MYOF: variants seen among roughly 807,000 people sequenced by gnomAD.
MYOF encodes the protein fer-1-like 3, myoferlin.
In MYOF, 244 loss-of-function variants were observed where a neutral mutation model predicts 284.2. The observed-to-expected ratio is 0.86, with a 90% CI of 0.77 to 0.95. The LOEUF (loss-of-function observed/expected upper bound fraction) is 0.95, where lower values mean the gene tolerates loss of function less well. Among genes scored for constraint, MYOF ranks in the 40% least tolerant of loss-of-function variants. The probability of loss-of-function intolerance (pLI) is 0.00; values close to 1 mark genes in which losing one functional copy is unlikely to be tolerated. For missense variants in MYOF, 2,496 were observed against 2,560.6 expected (o/e 0.97, Z 0.54); for synonymous variants, 904 against 919.7 (o/e 0.98, Z 0.31).
chr10:93,477,893 C>T lies in MYOF; in HGVS notation c.88+4214G>A, dbSNP rs566778710. 3.9e-5 allele frequency among the ~76,000 whole-genome samples: 6 copies of T among 152,078 alleles called. No homozygotes were observed. The South Asian group carries it at 1.2e-3, about 32-fold the overall frequency. On this transcript the variant is annotated intron_variant, in intron 1 of 53. Coordinates refer to ENST00000359263, the MANE Select transcript of MYOF (RefSeq NM_013451.4). ...AATGAAATATGCATATTCACAAAGA[C>T]ACGCACCACAGGGACACCCACTGCA... is the stretch of plus-strand genomic sequence containing the variant.
rs911187901 is a variant in MYOF at position 93,347,609 on chromosome 10, C to T, written c.4249+8G>A. On this transcript the variant is annotated splice_region_variant and intron_variant, in intron 37 of 53. Coordinates refer to ENST00000359263, the MANE Select transcript of MYOF (RefSeq NM_013451.4). ...GCCCCCAGACTTATGCACAGCCTTG[C>T]ATGTTACCTTTGAGCTGTGGGACGA... 1.9e-6 allele frequency: 3 copies of T among 1,604,638 alleles called. No homozygotes were observed. The highest frequency in any genetic ancestry group is 2.6e-6 in the Non-Finnish European group (3 of 1,175,040).
Position 93,383,041 on chromosome 10 carries a change from G to A in MYOF, c.1699-1645C>T, listed in dbSNP as rs1337118786. On this transcript the variant is annotated intron_variant, in intron 19 of 53. Coordinates refer to ENST00000359263, the MANE Select transcript of MYOF (RefSeq NM_013451.4). ...CTCCCAAGTAGCTGGGATTACAGGC[G>A]TGTGTCACCACACCTGGCTAATTTT... Among the ~76,000 whole-genome samples the A allele has an allele frequency of 5.9e-5, 9 of 151,920 alleles. No homozygotes were observed. In the East Asian group the frequency reaches 9.7e-4, roughly 16 times the overall value.
intron 23 of MYOF, among the ~76,000 whole-genome samples, chr10:93,373,575 C>G (rs1732344604): frequency 6.9e-6 from 1 of 144,508 alleles, no homozygotes; most frequent in South Asian, 2.5e-4. Flanking sequence ...ATGCAAATGT[C>G]CCTATTGGCA....
At chr10:93,406,569 C>CG (rs199534447) in intron 7 of MYOF, among the ~76,000 whole-genome samples, 21 of 93,666 alleles carry the variant, frequency 2.2e-4, no homozygotes, top group South Asian at 4.9e-4. Flanking sequence ...CTCCTCCCCA[C>CG]CCATCCAGTC....
intron 26 of MYOF, among the ~76,000 whole-genome samples, chr10:93,364,318 G>T (rs774890767): frequency 6.6e-5 from 10 of 152,244 alleles, no homozygotes; most frequent in Non-Finnish European, 1.5e-4. Context: ...TAACAAGGTT[G>T]CTCCTTCTCA....
intron 3 of MYOF, among the ~76,000 whole-genome samples, chr10:93,441,645 C>A (rs2056260373): frequency 6.6e-6 from 1 of 150,618 alleles, no homozygotes; most frequent in Non-Finnish European, 1.5e-5. Context: ...CTCACTGCAA[C>A]CTCTGCCTTC....
Position 93,454,891 on chromosome 10 carries a change from A to T in MYOF, c.144+1991T>A, listed in dbSNP as rs564374482. 2.4e-3 allele frequency among the ~76,000 whole-genome samples: 356 copies of T among 149,506 alleles called. 5 individuals carry two copies. The highest frequency in any genetic ancestry group is 2.5e-3 in the Non-Finnish European group (171 of 67,706). ...CTATTCAGGAGGCTAAAGCAGGGCT[A>T]TCGCTTGGCCCTGGGAGATCGAGGC... On this transcript the variant is annotated intron_variant, in intron 2 of 53. Coordinates refer to ENST00000359263, the MANE Select transcript of MYOF (RefSeq NM_013451.4).
At chr10:93,359,495 A>G (rs900726940) in intron 29 of MYOF, among the ~76,000 whole-genome samples, 4 of 152,198 alleles carry the variant, frequency 2.6e-5, no homozygotes, top group Non-Finnish European at 5.9e-5. Context: ...TATTACTACT[A>G]CTAGATTATG....
At position 93,425,765 on chromosome 10, in the gene MYOF, G is replaced by A. The variant is rs73321726; in HGVS notation, c.433+306C>T. On this transcript the variant is annotated intron_variant, in intron 5 of 53. Coordinates refer to ENST00000359263, the MANE Select transcript of MYOF (RefSeq NM_013451.4). ...AAACAGCCTGGAGACACTGTATGGG[G>A]TGGAAGCCACAAACCTGAAGCAAAG... The A allele has an allele frequency of 2.6e-3, 1,046 of 404,140 alleles. 5 individuals carry two copies. Among genetic ancestry groups the A allele is most frequent in the African/African-American group, 0.011 (520 of 49,134 alleles). 25.0% of individuals were successfully genotyped at this position (404,140 alleles called of 1,614,324 possible).
chr10:93,386,707 G>A (rs60385579), intron 19 of MYOF, among the ~76,000 whole-genome samples: 4,425 of 152,300 alleles, frequency 0.029, 223 homozygotes, highest in African/African-American at 0.1. Flanking sequence ...CTCCTGATAC[G>A]GCTGCCTTCT....
At chr10:93,454,653 A>T (rs1175045027) in intron 2 of MYOF, among the ~76,000 whole-genome samples, 1 of 152,102 alleles carries the variant, frequency 6.6e-6, no homozygotes, top group East Asian at 1.9e-4. Flanking sequence ...TTCCCTCTCA[A>T]CCTGCCTGAG....
At chr10:93,356,225 G>A (rs141017620) in intron 30 of MYOF, among the ~76,000 whole-genome samples, 1 of 152,100 alleles carries the variant, frequency 6.6e-6, no homozygotes, top group East Asian at 1.9e-4. Context: ...CTTCTTTACT[G>A]TGCTTCAGTA....
intron 19 of MYOF, among the ~76,000 whole-genome samples, chr10:93,384,326 T>G (rs925981552): frequency 2.0e-5 from 3 of 152,162 alleles, no homozygotes; most frequent in African/African-American, 7.2e-5. Context: ...AAGATCTGCC[T>G]ACAACAAGAG....
chr10:93,423,955 A>C (rs1269053988), intron 5 of MYOF, among the ~76,000 whole-genome samples: 4 of 152,176 alleles, frequency 2.6e-5, no homozygotes, highest in African/African-American at 9.6e-5. Flanking sequence ...ACACAGGTAG[A>C]ACACCATGTG....
intron 3 of MYOF, among the ~76,000 whole-genome samples, chr10:93,445,654 G>T (rs67185100): frequency 0.21 from 32,378 of 152,158 alleles, 4,222 homozygotes; most frequent in East Asian, 0.73. Flanking sequence ...GCCCACAGGC[G>T]CTGTGAGCCT....
At chr10:93,406,631 C>T (rs1847606171) in intron 7 of MYOF, among the ~76,000 whole-genome samples, 1 of 151,686 alleles carries the variant, frequency 6.6e-6, no homozygotes, top group Admixed American at 6.6e-5. Context: ...TTTCCAGTGC[C>T]CCATCTCTGT....
chr10:93,333,733 G>C, intron 42 of MYOF, 25 bp downstream of exon 42: 2 of 1,610,446 alleles, frequency 1.2e-6, no homozygotes, highest in Non-Finnish European at 1.7e-6. Context: ...TGCTACAGGA[G>C]AAGGCCCCAC....
chr10:93,319,964 T>C lies in MYOF; in HGVS notation c.5506A>G (p.Arg1836Gly). Residue 1836 changes from arginine (R) to glycine (G), a missense_variant, in exon 49 of 54, where the codon AGA becomes GGA. Around this residue, in one of 3 missense-constraint regions of MYOF, gnomAD observed 2,436 missense variants for 2,480.7 expected, o/e 0.98. Coordinates refer to ENST00000359263, the MANE Select transcript of MYOF (RefSeq NM_013451.4). ...AAATTCCCTTCACCATCCAAAGATCTGTAATGGACATCTGTTTTCTGTTTG... is the reference window on the plus strand; with the variant it reads ...AAATTCCCTTCACCATCCAAAGATCCGTAATGGACATCTGTTTTCTGTTTG... The part of the protein sequence containing the change: ...ENKQKTDVHY[R>G]SLDGEGNFNW... 1 of 1,614,230 alleles carries C rather than the reference T, an allele frequency of 6.2e-7. No homozygotes were observed. Among genetic ancestry groups the C allele is most frequent in the Non-Finnish European group, 8.5e-7 (1 of 1,180,030 alleles).
Position 93,424,929 on chromosome 10 carries a change from ATTTTTTTTTT to A in MYOF, c.433+1132_433+1141del, listed in dbSNP as rs11376911. On this transcript the variant is annotated intron_variant, in intron 5 of 53. Coordinates refer to ENST00000359263, the MANE Select transcript of MYOF (RefSeq NM_013451.4). ...ACTTCCTCCCAGGAGGGAGAATTCC[ATTTTTTTTTT>A]TTTTTTTTTTTTTTTTTGAGACGGA... Among the ~76,000 whole-genome samples, 120 of 77,760 alleles carry A rather than the reference ATTTTTTTTTT, an allele frequency of 1.5e-3. 1 individual carries two copies. Among genetic ancestry groups the A allele is most frequent in the Non-Finnish European group, 2.3e-3 (100 of 43,932 alleles). The allele number at this position is 77,760 out of a possible 152,430, so 51.0% of individuals were successfully genotyped here. A position where few individuals can be genotyped will look rare whatever the true frequency, so the allele number is the denominator to read the frequency against.
Sources: allele counts gnomAD v4.1 joint callset (sites outside exome capture counted in the v4.1 genomes callset), GRCh38; gene constraint gnomAD v4.1.1; regional missense constraint gnomAD v4.1.1; transcripts MANE v1.5; gene names NCBI Gene and HGNC (gene_info 2026-07-23, HGNC 2026-07-21).